Variants in KCNIP4 observed in about 807,000 individuals in gnomAD.
KCNIP4 encodes potassium voltage-gated channel interacting protein 4.
In KCNIP4, 12 loss-of-function variants were observed where a neutral mutation model predicts 34.0. The observed-to-expected ratio is 0.35, with a 90% CI of 0.23 to 0.57. The LOEUF (loss-of-function observed/expected upper bound fraction) is 0.57, where lower values mean the gene tolerates loss of function less well. KCNIP4 is among the 20% of genes least tolerant of loss of function. The pLI is 0.83. For synonymous variants in KCNIP4, 124 were observed against 102.2 expected (o/e 1.21, Z -1.29); for missense variants, 238 against 311.7 (o/e 0.76, Z 1.78).
chr4:21,421,325 G>A (rs1428247788), intron 1 of KCNIP4, among the ~76,000 whole-genome samples: 1 of 152,146 alleles, frequency 6.6e-6, no homozygotes, highest in Non-Finnish European at 1.5e-5. Flanking sequence ...GCACTCTCAT[G>A]TTCATGGTAG....
chr4:21,274,954 A>G (rs574718364), intron 1 of KCNIP4, among the ~76,000 whole-genome samples: 2 of 152,158 alleles, frequency 1.3e-5, no homozygotes, highest in Non-Finnish European at 2.9e-5. Flanking sequence ...CTAGGTCCAT[A>G]GAATGTTAAA....
At chr4:20,793,213 C>A (rs555730065) in intron 3 of KCNIP4, among the ~76,000 whole-genome samples, 32 of 152,038 alleles carry the variant, frequency 2.1e-4, no homozygotes, top group Non-Finnish European at 4.0e-4. Context: ...GTTGTATATA[C>A]CTATAATGGA....
intron 1 of KCNIP4, among the ~76,000 whole-genome samples, chr4:21,283,818 A>C (rs1040577739): frequency 2.0e-5 from 3 of 151,794 alleles, no homozygotes; most frequent in African/African-American, 7.3e-5. Context: ...TAAATAAATA[A>C]ATAAATCATG....
Position 21,325,458 on chromosome 4 carries a change from T to C in KCNIP4, c.62-442749A>G, listed in dbSNP as rs1195355466. ...ATCAGTTATAATGACTCATTTTTCA[T>C]CTCTGATTTTATTTATTTGGTTTTC... On this transcript the variant is annotated intron_variant, in intron 1 of 8. Transcript: ENST00000382152. Among the ~76,000 whole-genome samples the C allele has an allele frequency of 3.9e-5, 6 of 151,914 alleles. No homozygotes were observed. The East Asian group carries it at 7.7e-4, about 19-fold the overall frequency.
chr4:20,822,060 T>C (rs1446878341), intron 3 of KCNIP4, among the ~76,000 whole-genome samples: 1 of 151,918 alleles, frequency 6.6e-6, no homozygotes, highest in Admixed American at 6.6e-5. Flanking sequence ...TAAAAATAAA[T>C]AAATGGGATC....
chr4:21,558,642 GA>G (rs1022861784), intron 1 of KCNIP4, among the ~76,000 whole-genome samples: 19 of 151,690 alleles, frequency 1.3e-4, no homozygotes, highest in African/African-American at 3.4e-4. Flanking sequence ...ACACTAACAA[GA>G]AAAAAAATCC....
intron 1 of KCNIP4, among the ~76,000 whole-genome samples, chr4:21,169,518 G>T (rs1753857396): frequency 6.6e-6 from 1 of 152,048 alleles, no homozygotes; most frequent in Non-Finnish European, 1.5e-5. Context: ...TTGTGCCAGA[G>T]GGTTTACTGG....
chr4:20,773,610 C>T lies in KCNIP4; in HGVS notation c.289-14720G>A, dbSNP rs569495045. Among the ~76,000 whole-genome samples, 52 of 152,166 alleles carry T rather than the reference C, an allele frequency of 3.4e-4. 1 individual carries two copies. The highest frequency in any genetic ancestry group is 6.5e-4 in the Non-Finnish European group (44 of 68,026). On this transcript the variant is annotated intron_variant, in intron 3 of 8. Coordinates refer to ENST00000382152, the MANE Select transcript of KCNIP4 (RefSeq NM_025221.6). ...TGAGGCACAAGGGGGCAGTAGTGTC[C>T]TCCATGATAGCTAGAAAAGCGATTT...
intron 1 of KCNIP4, among the ~76,000 whole-genome samples, chr4:21,194,520 A>G (rs545844849): frequency 6.6e-6 from 1 of 152,228 alleles, no homozygotes; most frequent in South Asian, 2.1e-4. Flanking sequence ...AAAAATCTAT[A>G]TAAGGTCTCC....
chr4:21,742,820 T>C (rs1000533058), intron 1 of KCNIP4, among the ~76,000 whole-genome samples: 1 of 152,008 alleles, frequency 6.6e-6, no homozygotes, highest in Non-Finnish European at 1.5e-5. Context: ...GGGAGATTTA[T>C]AAGATACATA....
intron 1 of KCNIP4, among the ~76,000 whole-genome samples, chr4:21,235,564 C>G (rs1056844129): frequency 7.2e-5 from 11 of 152,208 alleles, no homozygotes; most frequent in African/African-American, 2.4e-4. Flanking sequence ...GCCAACTTGA[C>G]TGGCTTATAG....
At chr4:21,578,217 C>T (rs545785731) in intron 1 of KCNIP4, among the ~76,000 whole-genome samples, 1 of 151,154 alleles carries the variant, frequency 6.6e-6, no homozygotes, top group Non-Finnish European at 1.5e-5. Flanking sequence ...ACCTGTAATC[C>T]CAGCTACTTA....
intron 3 of KCNIP4, among the ~76,000 whole-genome samples, chr4:20,829,583 T>C (rs1423631411): frequency 1.3e-5 from 2 of 152,176 alleles, no homozygotes; most frequent in African/African-American, 2.4e-5. Context: ...CTGGTCCTTG[T>C]AGGATTTTTT....
At chr4:20,958,427 C>G (rs1434944) in intron 1 of KCNIP4, among the ~76,000 whole-genome samples, 105,486 of 152,156 alleles carry the variant, frequency 0.69, 37,662 homozygotes, top group African/African-American at 0.87. Flanking sequence ...ATGACTTCAA[C>G]CTGTGGAGTT....
intron 1 of KCNIP4, among the ~76,000 whole-genome samples, chr4:21,842,177 T>C (rs1723725956): frequency 6.6e-6 from 1 of 152,156 alleles, no homozygotes; most frequent in African/African-American, 2.4e-5. Flanking sequence ...ATTTTCAAAG[T>C]AATAACCATA....
chr4:20,734,781 AC>A, intron 5 of KCNIP4, 46 bp from the exon 6 acceptor site: 4 of 1,177,488 alleles, frequency 3.4e-6, no homozygotes, highest in Non-Finnish European at 4.8e-6. Context: ...TTTTAAAAAA[AC>A]AAAAACAAAA....
intron 1 of KCNIP4, among the ~76,000 whole-genome samples, chr4:21,207,667 C>A (rs904492397): frequency 6.6e-6 from 1 of 152,108 alleles, no homozygotes; most frequent in African/African-American, 2.4e-5. Flanking sequence ...TTATTTCCAA[C>A]CTAATTTCAT....
At chr4:21,317,314 C>A (rs1713867956) in intron 1 of KCNIP4, among the ~76,000 whole-genome samples, 1 of 151,992 alleles carries the variant, frequency 6.6e-6, no homozygotes. Flanking sequence ...ACATAGAAAT[C>A]ATTTTTATTA....
chr4:21,359,619 C>T (rs971005318), intron 1 of KCNIP4, among the ~76,000 whole-genome samples: 4 of 152,040 alleles, frequency 2.6e-5, no homozygotes, highest in African/African-American at 7.2e-5. Flanking sequence ...TAAAATAACA[C>T]TGAAAATGTT....
Sources: gnomAD v4.1 joint callset for allele counts (sites outside exome capture counted in the v4.1 genomes callset) on GRCh38, gnomAD v4.1.1 for gene constraint, MANE v1.5 for transcripts, NCBI Gene and HGNC (gene_info 2026-07-23, HGNC 2026-07-21) for gene names.